TSPAN5: variants seen among roughly 807,000 people sequenced by gnomAD.
TSPAN5 encodes tetraspanin 5.
TSPAN5 carries 10 observed loss-of-function variants against 37.1 expected under a neutral mutation model. The ratio of observed to expected loss-of-function variants is 0.27; its 90% CI spans 0.17 to 0.46. The LOEUF is 0.46. TSPAN5 is among the 20% of genes least tolerant of loss of function. TSPAN5 has a pLI of 1.00. For missense variants in TSPAN5, 195 were observed against 326.6 expected, an observed-to-expected ratio of 0.60 and a Z score of 3.11; for synonymous variants, 110 against 118.9, an observed-to-expected ratio of 0.93 and a Z score of 0.48.
chr4:98,585,720 G>C (rs886165614), intron 1 of TSPAN5, among the ~76,000 whole-genome samples: 1 of 152,164 alleles, frequency 6.6e-6, no homozygotes, highest in African/African-American at 2.4e-5. Flanking sequence ...TAGGATAATA[G>C]CCTCCAGTTC....
intron 1 of TSPAN5, among the ~76,000 whole-genome samples, chr4:98,610,733 T>G (rs987590385): frequency 4.6e-5 from 7 of 152,144 alleles, no homozygotes; most frequent in African/African-American, 1.7e-4. Context: ...TGCCCCTTCA[T>G]TATACATCTC....
At chr4:98,639,846 T>C (rs781181964) in intron 1 of TSPAN5, among the ~76,000 whole-genome samples, 50 of 152,186 alleles carry the variant, frequency 3.3e-4, no homozygotes, top group Admixed American at 2.2e-3. Context: ...GGTCAAAACA[T>C]TGTTCCAGAA....
At chr4:98,513,628 T>C (rs1441877575) in intron 1 of TSPAN5, among the ~76,000 whole-genome samples, 2 of 152,236 alleles carry the variant, frequency 1.3e-5, no homozygotes, top group East Asian at 3.9e-4. Flanking sequence ...ACTATGGCTC[T>C]TCAAAATTCC....
intron 1 of TSPAN5, among the ~76,000 whole-genome samples, chr4:98,599,189 G>A (rs1295773924): frequency 6.6e-6 from 1 of 151,964 alleles, no homozygotes; most frequent in Non-Finnish European, 1.5e-5. Context: ...CACCCAAGCT[G>A]GAGTGCAGTG....
intron 1 of TSPAN5, among the ~76,000 whole-genome samples, chr4:98,520,932 T>C (rs1057399938): frequency 2.2e-5 from 3 of 135,652 alleles, no homozygotes; most frequent in Non-Finnish European, 3.2e-5. Context: ...CTACACTTTT[T>C]TGGGGGGCAG....
chr4:98,473,527 T>C (rs931926078), intron 7 of TSPAN5, among the ~76,000 whole-genome samples: 3 of 150,158 alleles, frequency 2.0e-5, no homozygotes, highest in African/African-American at 7.4e-5. Flanking sequence ...TGGCGCAATC[T>C]CGGCTCACTG....
At chr4:98,474,644 G>T (rs536706883) in intron 7 of TSPAN5, among the ~76,000 whole-genome samples, 1 of 151,510 alleles carries the variant, frequency 6.6e-6, no homozygotes, top group African/African-American at 2.4e-5. Context: ...CACTGCACCC[G>T]GCCTTATTTC....
chr4:98,581,012 C>G (rs1020403649), intron 1 of TSPAN5, among the ~76,000 whole-genome samples: 2 of 152,126 alleles, frequency 1.3e-5, no homozygotes, highest in Non-Finnish European at 2.9e-5. Flanking sequence ...TCTGAAAGCA[C>G]AGGCTGACCA....
At chr4:98,509,088 C>T (rs974915120) in intron 1 of TSPAN5, among the ~76,000 whole-genome samples, 3 of 152,128 alleles carry the variant, frequency 2.0e-5, no homozygotes, top group Non-Finnish European at 4.4e-5. Context: ...TAAAGATATG[C>T]TTCATCTTTA....
At chr4:98,653,743 T>A (rs543989108) in intron 1 of TSPAN5, among the ~76,000 whole-genome samples, 2 of 152,280 alleles carry the variant, frequency 1.3e-5, no homozygotes, top group Admixed American at 6.5e-5. Flanking sequence ...TCTCACTGAA[T>A]CTTTAAAACT....
At chr4:98,577,280 G>A (rs1755261046) in intron 1 of TSPAN5, among the ~76,000 whole-genome samples, 1 of 152,150 alleles carries the variant, frequency 6.6e-6, no homozygotes, top group Non-Finnish European at 1.5e-5. Context: ...GTTTTGTGAA[G>A]TACCTGGCAC....
At chr4:98,602,792 A>C (rs1755911916) in intron 1 of TSPAN5, among the ~76,000 whole-genome samples, 1 of 152,256 alleles carries the variant, frequency 6.6e-6, no homozygotes. Flanking sequence ...AAGATGCTCA[A>C]ACACGGGTGC....
rs114488731 is a variant in TSPAN5 at position 98,571,644 on chromosome 4, G to A, written c.82-63916C>T. ...GCACTTGTGTGTGTAAAGGTGAGGAGCTACCCATACGGTGGAAGGTTAGCC... is the reference window on the plus strand; with the variant it reads ...GCACTTGTGTGTGTAAAGGTGAGGAACTACCCATACGGTGGAAGGTTAGCC... On this transcript the variant is annotated intron_variant, in intron 1 of 7. Transcript: ENST00000305798. Among the ~76,000 whole-genome samples the A allele has an allele frequency of 5.5e-3, 831 of 152,214 alleles. 6 individuals carry two copies. Among genetic ancestry groups the A allele is most frequent in the African/African-American group, 0.019 (787 of 41,528 alleles).
intron 1 of TSPAN5, among the ~76,000 whole-genome samples, chr4:98,563,800 A>G (rs1754929833): frequency 6.6e-6 from 1 of 152,234 alleles, no homozygotes; most frequent in Non-Finnish European, 1.5e-5. Context: ...CCTCCCTGAG[A>G]GGACATTCGA....
intron 1 of TSPAN5, among the ~76,000 whole-genome samples, chr4:98,535,457 C>G (rs1439757488): frequency 5.3e-5 from 8 of 152,118 alleles, no homozygotes; most frequent in Non-Finnish European, 7.3e-5. Flanking sequence ...CTATGGCTGC[C>G]CTTAACATTT....
At chr4:98,563,504 G>C (rs1424188121) in intron 1 of TSPAN5, among the ~76,000 whole-genome samples, 1 of 152,036 alleles carries the variant, frequency 6.6e-6, no homozygotes, top group East Asian at 1.9e-4. Flanking sequence ...TCATACATTT[G>C]AGGCCTCCAT....
intron 1 of TSPAN5, among the ~76,000 whole-genome samples, chr4:98,583,166 T>G (rs112174966): frequency 2.6e-5 from 4 of 152,374 alleles, no homozygotes; most frequent in African/African-American, 9.6e-5. Flanking sequence ...CTACCTCATT[T>G]TATCAGTTTA....
At chr4:98,560,295 T>C (rs1754851143) in intron 1 of TSPAN5, 1 of 152,216 alleles carries the variant, frequency 6.6e-6, no homozygotes, top group African/African-American at 2.4e-5. Flanking sequence ...TAAATTTTCA[T>C]CCCTCATGTT....
intron 1 of TSPAN5, among the ~76,000 whole-genome samples, chr4:98,644,568 A>T (rs1757023218): frequency 6.6e-6 from 1 of 152,104 alleles, no homozygotes; most frequent in South Asian, 2.1e-4. Context: ...CAGGTTACAT[A>T]TGTATACATG....
Sources: gnomAD v4.1 joint callset for allele counts (sites outside exome capture counted in the v4.1 genomes callset) on GRCh38, gnomAD v4.1.1 for gene constraint, MANE v1.5 for transcripts, NCBI Gene and HGNC (gene_info 2026-07-23, HGNC 2026-07-21) for gene names.